The following KRTAP9-8 variants were observed in gnomAD, a reference collection of about 807,000 sequenced individuals.
KRTAP9-8 encodes keratin associated protein 9-8.
In KRTAP9-8, 10 loss-of-function variants were observed where a neutral mutation model predicts 12.8. The ratio of observed to expected loss-of-function variants is 0.78; its 90% confidence interval spans 0.48 to 1.33. The LOEUF (loss-of-function observed/expected upper bound fraction) is 1.33, where lower values mean the gene tolerates loss of function less well. Ranked by LOEUF, KRTAP9-8 falls within the 40% of genes most tolerant of loss-of-function variation. The pLI is 0.00. For synonymous variants in KRTAP9-8, 94 were observed against 70.8 expected (o/e 1.33, Z -1.64); for missense variants, 197 against 197.0 (o/e 1.00, Z 0.00).
At position 41,238,125 on chromosome 17, in the gene KRTAP9-8, C is replaced by T. The variant is rs2015985877; in HGVS notation, c.74C>T (p.Thr25Ile). Residue 25 changes from threonine (T) to isoleucine (I), a missense_variant, in exon 1 of 1, where the codon ACC (threonine) becomes ATC (isoleucine). Coordinates refer to ENST00000254072, the MANE Select transcript of KRTAP9-8 (RefSeq NM_031963.3). ...ACCTGCTGGAAGCCCACCACTGTGA[C>T]CACCTGCAGCAGCACACCCTGCTGC... ...RTTCWKPTTVTTCSSTPCCQP... is the reference protein window; with the variant it reads ...RTTCWKPTTVITCSSTPCCQP... 1.2e-6 allele frequency: 2 copies of T among 1,607,624 alleles called. No homozygotes were observed. The highest frequency in any genetic ancestry group is 1.7e-6 in the Non-Finnish European group (2 of 1,179,916).
chr17:41,238,219 C>T lies in KRTAP9-8; in HGVS notation c.168C>T (p.Cys56=), dbSNP rs934557027. ...CCRPTCCQNT[C]CQPICVTSCC... ...GCCCAACTTGCTGTCAAAACACCTGCTGCCAGCCCATCTGTGTGACCAGCT... is the reference window on the plus strand; with the variant it reads ...GCCCAACTTGCTGTCAAAACACCTGTTGCCAGCCCATCTGTGTGACCAGCT... The change falls in exon 1 of 1, where the codon TGC becomes TGT. Residue 56 remains cysteine, a synonymous_variant. Coordinates refer to ENST00000254072, the MANE Select transcript of KRTAP9-8 (RefSeq NM_031963.3). The T allele has an allele frequency of 2.5e-6, 4 of 1,608,222 alleles. 1 individual carries two copies. Among genetic ancestry groups the T allele is most frequent in the Non-Finnish European group, 8.5e-7 (1 of 1,179,878 alleles).
In KRTAP9-8 at chr17:41,238,739, A is replaced by G. The variant is rs1160797610; in HGVS notation, c.*208A>G. The G allele has an allele frequency of 2.8e-5, 12 of 435,110 alleles. 2 individuals are homozygous for G. The African/African-American group carries it at 6.8e-4, about 25-fold the overall frequency. The allele number at this position is 435,110 out of a possible 1,614,324, so 27.0% of individuals were successfully genotyped here. A position where few individuals can be genotyped will look rare whatever the true frequency, so the allele number is the denominator to read the frequency against. On this transcript the variant is annotated 3_prime_UTR_variant, in exon 1 of 1. Transcript: ENST00000254072. ...TTCTCTTTTTCCTTACACCTTGTGG[A>G]TCATGTGCCAGCTTCATCTGTTCTC...
In KRTAP9-8 at chr17:41,238,842, C is replaced by A; in HGVS notation, c.*311C>A. Reference sequence around the variant, plus strand: ...TGCTTCTAAGGAATTTAGGTTTCTGCAACTGATCGATGATCTTTGCAATCT... The same window carrying A: ...TGCTTCTAAGGAATTTAGGTTTCTGAAACTGATCGATGATCTTTGCAATCT... On this transcript the variant is annotated 3_prime_UTR_variant, in exon 1 of 1. Coordinates refer to ENST00000254072, the MANE Select transcript of KRTAP9-8 (RefSeq NM_031963.3). The A allele has an allele frequency of 2.0e-5, 1 of 50,942 alleles. No homozygotes were observed. The highest frequency in any genetic ancestry group is 3.0e-5 in the Non-Finnish European group (1 of 33,674). 3.2% of individuals were successfully genotyped at this position (50,942 alleles called of 1,614,324 possible). A position where few individuals can be genotyped will look rare whatever the true frequency, so the allele number is the denominator to read the frequency against.
rs758973756 is a variant in KRTAP9-8, at chr17:41,238,126, C to A, written c.75C>A (p.Thr25=). The part of the protein sequence containing the change: ...RTTCWKPTTV[T]TCSSTPCCQP... ...CCTGCTGGAAGCCCACCACTGTGAC[C>A]ACCTGCAGCAGCACACCCTGCTGCC... The change falls in exon 1 of 1, where the codon ACC becomes ACA. Residue 25 remains threonine (T), a synonymous_variant. Transcript: ENST00000254072. The A allele has an allele frequency of 4.7e-5, 76 of 1,607,562 alleles. 1 individual carries two copies. Among genetic ancestry groups the A allele is most frequent in the Admixed American group, 8.3e-5 (5 of 59,916 alleles).
In KRTAP9-8 at chr17:41,238,323, G is replaced by A. The variant is rs188579090; in HGVS notation, c.272G>A (p.Gly91Asp). Reference sequence around the variant, plus strand: ...CAAACCAGCTGTGGGTCCAGCTGTGGTCAGAGCAGCTCCTGTGCACCTGTG... The same window carrying A: ...CAAACCAGCTGTGGGTCCAGCTGTGATCAGAGCAGCTCCTGTGCACCTGTG... Reference protein sequence around the residue: ...CGQTSCGSSCGQSSSCAPVYC... With the variant: ...CGQTSCGSSCDQSSSCAPVYC... Residue 91 changes from glycine (G) to aspartate (D), a missense_variant, in exon 1 of 1, where the codon GGT (glycine) becomes GAT (aspartate). Transcript: ENST00000254072. 2 of 1,607,740 alleles carry A rather than the reference G, an allele frequency of 1.2e-6. No individual in the cohort carries two copies. Among genetic ancestry groups the A allele is most frequent in the South Asian group, 1.1e-5 (1 of 91,054 alleles).
rs2015982270 is a variant in KRTAP9-8 at position 41,238,036 on chromosome 17, C to A, written c.-16C>A. On this transcript the variant is annotated 5_prime_UTR_variant, in exon 1 of 1. Transcript: ENST00000254072. ...ACTCACCTCTGAACAGAACTCCACCCTCTACCCCTGACACCATGACCCACT... is the reference window on the plus strand; with the variant it reads ...ACTCACCTCTGAACAGAACTCCACCATCTACCCCTGACACCATGACCCACT... 9 of 1,605,738 alleles carry A rather than the reference C, an allele frequency of 5.6e-6. No individual in the cohort carries two copies. The highest frequency in any genetic ancestry group is 7.6e-6 in the Non-Finnish European group (9 of 1,179,466).
In KRTAP9-8 at chr17:41,238,154, C is replaced by G. The variant is rs200466510; in HGVS notation, c.103C>G (p.Pro35Ala). ...CTGCAGCAGCACACCCTGCTGCCAGCCCTCCTGCTGTGTGTCCAGCTGCTG... is the reference window on the plus strand; with the variant it reads ...CTGCAGCAGCACACCCTGCTGCCAGGCCTCCTGCTGTGTGTCCAGCTGCTG... ...TTCSSTPCCQPSCCVSSCCQP... is the reference protein window; with the variant it reads ...TTCSSTPCCQASCCVSSCCQP... The change falls in exon 1 of 1, where the codon CCC (proline) becomes GCC (alanine). Residue 35 changes from proline to alanine, a missense_variant. Pro to Ala is a conservative substitution (Grantham distance 27). Coordinates refer to ENST00000254072, the MANE Select transcript of KRTAP9-8 (RefSeq NM_031963.3). 5.6e-6 allele frequency: 9 copies of G among 1,608,098 alleles called. 1 individual carries two copies. In the African/African-American group the frequency reaches 1.0e-4, roughly 18 times the overall value.
chr17:41,238,239 C>G lies in KRTAP9-8; in HGVS notation c.188C>G (p.Thr63Ser). Residue 63 changes from threonine (T) to serine (S), a missense_variant, in exon 1 of 1, where the codon ACC becomes AGC. Thr to Ser is a moderately conservative substitution (Grantham distance 58). Coordinates refer to ENST00000254072, the MANE Select transcript of KRTAP9-8 (RefSeq NM_031963.3). ...ACCTGCTGCCAGCCCATCTGTGTGA[C>G]CAGCTGCTGCCAGCCTTCCTGCTGC... ...QNTCCQPICV[T>S]SCCQPSCCST... is the part of the protein sequence containing the mutation. 6.2e-7 allele frequency: 1 copy of G among 1,607,768 alleles called. No homozygotes were observed. The highest frequency in any genetic ancestry group is 2.2e-5 in the East Asian group (1 of 44,868).
rs752232507 is a variant in KRTAP9-8 at position 41,238,469 on chromosome 17, T to C, written c.418T>C (p.Cys140Arg). ...CCCAGCCTGCTGTGAGACCACCTGC[T>C]GCAGGACCACTTGCTTCCAGCCCAC... ...CRPACCETTC[C>R]RTTCFQPTCV... is the part of the protein sequence containing the mutation. The change falls in exon 1 of 1, where the codon TGC (cysteine) becomes CGC (arginine). Residue 140 changes from cysteine to arginine, a missense_variant. Coordinates refer to ENST00000254072, the MANE Select transcript of KRTAP9-8 (RefSeq NM_031963.3). 8.1e-7 allele frequency: 1 copy of C among 1,236,406 alleles called. No individual in the cohort carries two copies. The highest frequency in any genetic ancestry group is 1.1e-6 in the Non-Finnish European group (1 of 921,528). The allele number at this position is 1,236,406 out of a possible 1,614,324, so 76.6% of individuals were successfully genotyped here.
In KRTAP9-8 at chr17:41,238,317, G is replaced by A. The variant is rs2015994061; in HGVS notation, c.266G>A (p.Ser89Asn). The A allele has an allele frequency of 1.2e-6, 2 of 1,607,424 alleles. No individual in the cohort carries two copies. The highest frequency in any genetic ancestry group is 1.7e-6 in the Non-Finnish European group (2 of 1,179,928). ...TGTGGCCAAACCAGCTGTGGGTCCA[G>A]CTGTGGTCAGAGCAGCTCCTGTGCA... ...TCCGQTSCGS[S>N]CGQSSSCAPV... Residue 89 changes from serine to asparagine, a missense_variant, in exon 1 of 1, where the codon AGC (serine) becomes AAC (asparagine). Transcript: ENST00000254072.
In KRTAP9-8 at chr17:41,238,093, C is replaced by T; in HGVS notation, c.42C>T (p.Cys14=). The T allele has an allele frequency of 1.2e-6, 2 of 1,607,002 alleles. No homozygotes were observed. Among genetic ancestry groups the T allele is most frequent in the Non-Finnish European group, 8.5e-7 (1 of 1,179,872 alleles). Residue 14 remains cysteine (C), a synonymous_variant, in exon 1 of 1, where the codon TGC becomes TGT. Coordinates refer to ENST00000254072, the MANE Select transcript of KRTAP9-8 (RefSeq NM_031963.3). ...CCSPCCQPTC[C]RTTCWKPTTV... ...CCCCTTGCTGTCAGCCTACGTGCTG[C>T]AGGACCACCTGCTGGAAGCCCACCA...
chr17:41,238,341 C>T lies in KRTAP9-8; in HGVS notation c.290C>T (p.Ala97Val), dbSNP rs1330194606. Residue 97 changes from alanine to valine, a missense_variant, in exon 1 of 1, where the codon GCA (alanine) becomes GTA (valine). Transcript: ENST00000254072. Reference sequence around the variant, plus strand: ...AGCTGTGGTCAGAGCAGCTCCTGTGCACCTGTGTACTGCAGAAGAACCTGC... The same window carrying T: ...AGCTGTGGTCAGAGCAGCTCCTGTGTACCTGTGTACTGCAGAAGAACCTGC... ...GSSCGQSSSC[A>V]PVYCRRTCYH... is the part of the protein sequence containing the mutation. 1.9e-6 allele frequency: 3 copies of T among 1,607,744 alleles called. No individual in the cohort carries two copies. The highest frequency in any genetic ancestry group is 2.2e-5 in the South Asian group (2 of 91,060).
chr17:41,238,094 A>C lies in KRTAP9-8; in HGVS notation c.43A>C (p.Arg15=). 3 of 1,606,964 alleles carry C rather than the reference A, an allele frequency of 1.9e-6. No homozygotes were observed. Among genetic ancestry groups the C allele is most frequent in the South Asian group, 1.1e-5 (1 of 90,992 alleles). ...CCCTTGCTGTCAGCCTACGTGCTGCAGGACCACCTGCTGGAAGCCCACCAC... is the reference window on the plus strand; with the variant it reads ...CCCTTGCTGTCAGCCTACGTGCTGCCGGACCACCTGCTGGAAGCCCACCAC... The part of the protein sequence containing the change: ...CSPCCQPTCC[R]TTCWKPTTVT... Residue 15 remains arginine (R), a synonymous_variant, in exon 1 of 1, where the codon AGG becomes CGG. Coordinates refer to ENST00000254072, the MANE Select transcript of KRTAP9-8 (RefSeq NM_031963.3).
chr17:41,238,337 T>G lies in KRTAP9-8; in HGVS notation c.286T>G (p.Cys96Gly). The G allele has an allele frequency of 6.2e-7, 1 of 1,608,008 alleles. No homozygotes were observed. The highest frequency in any genetic ancestry group is 8.5e-7 in the Non-Finnish European group (1 of 1,179,954). ...CGSSCGQSSS[C>G]APVYCRRTCY... ...GTCCAGCTGTGGTCAGAGCAGCTCCTGTGCACCTGTGTACTGCAGAAGAAC... is the reference window on the plus strand; with the variant it reads ...GTCCAGCTGTGGTCAGAGCAGCTCCGGTGCACCTGTGTACTGCAGAAGAAC... Residue 96 changes from cysteine to glycine, a missense_variant, in exon 1 of 1, where the codon TGT (cysteine) becomes GGT (glycine). Physicochemically the swap from Cys to Gly is radical, Grantham distance 159 (BLOSUM62 -3). Coordinates refer to ENST00000254072, the MANE Select transcript of KRTAP9-8 (RefSeq NM_031963.3).
In KRTAP9-8 at chr17:41,238,499, G is replaced by T; in HGVS notation, c.448G>T (p.Val150Leu). The T allele has an allele frequency of 6.3e-7, 1 of 1,589,414 alleles. No individual in the cohort carries two copies. Residue 150 changes from valine (V) to leucine (L), a missense_variant, in exon 1 of 1, where the codon GTG (valine) becomes TTG (leucine). By Grantham distance (32) the Val-to-Leu change is conservative. Coordinates refer to ENST00000254072, the MANE Select transcript of KRTAP9-8 (RefSeq NM_031963.3). ...CRTTCFQPTC[V>L]SSCCQPSCC ...GACCACTTGCTTCCAGCCCACCTGT[G>T]TGTCCAGCTGCTGCCAGCCTTCTTG...
In KRTAP9-8 at chr17:41,238,147, C is replaced by T. The variant is rs775412881; in HGVS notation, c.96C>T (p.Cys32=). Reference sequence around the variant, plus strand: ...TGACCACCTGCAGCAGCACACCCTGCTGCCAGCCCTCCTGCTGTGTGTCCA... The same window carrying T: ...TGACCACCTGCAGCAGCACACCCTGTTGCCAGCCCTCCTGCTGTGTGTCCA... ...TTVTTCSSTP[C]CQPSCCVSSC... is the part of the protein sequence containing the mutation. The change falls in exon 1 of 1, where the codon TGC becomes TGT. Residue 32 remains cysteine (C), a synonymous_variant. Transcript: ENST00000254072. The T allele has an allele frequency of 6.2e-7, 1 of 1,608,212 alleles. No individual in the cohort carries two copies. The highest frequency in any genetic ancestry group is 2.2e-5 in the East Asian group (1 of 44,886).
Position 41,238,315 on chromosome 17 carries a change from C to G in KRTAP9-8, c.264C>G (p.Ser88=), listed in dbSNP as rs2015993936. The G allele has an allele frequency of 1.9e-6, 3 of 1,607,722 alleles. No homozygotes were observed. Among genetic ancestry groups the G allele is most frequent in the Non-Finnish European group, 2.5e-6 (3 of 1,179,930 alleles). The change falls in exon 1 of 1, where the codon TCC becomes TCG. Residue 88 remains serine, a synonymous_variant. Transcript: ENST00000254072. Reference sequence around the variant, plus strand: ...GCTGTGGCCAAACCAGCTGTGGGTCCAGCTGTGGTCAGAGCAGCTCCTGTG... The same window carrying G: ...GCTGTGGCCAAACCAGCTGTGGGTCGAGCTGTGGTCAGAGCAGCTCCTGTG... ...PTCCGQTSCG[S]SCGQSSSCAP...
At position 41,238,004 on chromosome 17, in the gene KRTAP9-8, C is replaced by T. The variant is rs1361471591; in HGVS notation, c.-48C>T. The T allele has an allele frequency of 2.5e-6, 4 of 1,592,408 alleles. No individual in the cohort carries two copies. Among genetic ancestry groups the T allele is most frequent in the South Asian group, 1.1e-5 (1 of 89,618 alleles). On this transcript the variant is annotated 5_prime_UTR_variant, in exon 1 of 1. Transcript: ENST00000254072. The stretch of plus-strand genomic sequence containing the variant: ...CCAGAATGCAAGGGGTCATCAGATT[C>T]TGGGAAACTCACCTCTGAACAGAAC...
Position 41,238,346 on chromosome 17 carries a change from G to T in KRTAP9-8, c.295G>T (p.Val99Leu). ...TGGTCAGAGCAGCTCCTGTGCACCT[G>T]TGTACTGCAGAAGAACCTGCTACCA... ...SCGQSSSCAP[V>L]YCRRTCYHPT... Residue 99 changes from valine (V) to leucine (L), a missense_variant, in exon 1 of 1, where the codon GTG (valine) becomes TTG (leucine). By Grantham distance (32) the Val-to-Leu change is conservative (BLOSUM62 1). Transcript: ENST00000254072. The T allele has an allele frequency of 6.2e-7, 1 of 1,607,430 alleles. No homozygotes were observed. Among genetic ancestry groups the T allele is most frequent in the South Asian group, 1.1e-5 (1 of 91,048 alleles).
Sources: allele counts gnomAD v4.1 joint callset, GRCh38; gene constraint gnomAD v4.1.1; transcripts MANE v1.5; gene names NCBI Gene and HGNC (gene_info 2026-07-23, HGNC 2026-07-21).